SBF2: variants seen among roughly 807,000 people sequenced by gnomAD.
SBF2 encodes the protein SET binding factor 2, also known as myotubularin-related protein 13.
In SBF2, 112 loss-of-function variants were observed where a neutral mutation model predicts 225.2. The observed-to-expected ratio is 0.50, with a 90% CI of 0.43 to 0.58. The LOEUF is 0.58. Ranked by LOEUF, SBF2 falls within the 20% of genes least tolerant of loss-of-function variation. The pLI is 0.00. For missense variants in SBF2, 1,996 were observed against 2,206.2 expected (o/e 0.90, Z 1.91); for synonymous variants, 763 against 773.3 (o/e 0.99, Z 0.22).
At chr11:10,261,317 C>G (rs1961409874) in intron 1 of SBF2, among the ~76,000 whole-genome samples, 1 of 152,184 alleles carries the variant, frequency 6.6e-6, no homozygotes, top group Non-Finnish European at 1.5e-5. Context: ...ATCCTCCCGT[C>G]TCAACTTACC....
intron 30 of SBF2, chr11:9,810,159 C>T (rs1197600990): frequency 6.6e-6 from 1 of 152,158 alleles, no homozygotes; most frequent in Admixed American, 6.6e-5. Context: ...GCCTGTAATC[C>T]CAGCTACTCA....
At chr11:9,844,429 G>A (rs1208374615) in intron 24 of SBF2, among the ~76,000 whole-genome samples, 2 of 152,144 alleles carry the variant, frequency 1.3e-5, no homozygotes, top group African/African-American at 4.8e-5. Context: ...GGTTAACAGT[G>A]AATGAAATTT....
chr11:10,197,513 G>C (rs1231805572), intron 1 of SBF2, among the ~76,000 whole-genome samples: 1 of 152,238 alleles, frequency 6.6e-6, no homozygotes, highest in Non-Finnish European at 1.5e-5. Context: ...GCTTTAGCAA[G>C]TTGTAATCTT....
chr11:10,074,523 T>C (rs1372775937), intron 2 of SBF2, among the ~76,000 whole-genome samples: 1 of 152,238 alleles, frequency 6.6e-6, no homozygotes, highest in East Asian at 1.9e-4. Flanking sequence ...CTGCAGATTT[T>C]ATTATCTCTC....
intron 1 of SBF2, among the ~76,000 whole-genome samples, chr11:10,222,866 C>A (rs1183512535): frequency 6.6e-6 from 1 of 152,106 alleles, no homozygotes; most frequent in Non-Finnish European, 1.5e-5. Flanking sequence ...AATAATGGAA[C>A]ACTAGGCATA....
intron 17 of SBF2, among the ~76,000 whole-genome samples, chr11:9,862,474 C>T (rs1857835833): frequency 6.6e-6 from 1 of 152,210 alleles, no homozygotes; most frequent in Non-Finnish European, 1.5e-5. Flanking sequence ...AGAAAGAGAA[C>T]TGTTCAGGGT....
intron 32 of SBF2, among the ~76,000 whole-genome samples, chr11:9,804,757 C>T (rs1462909682): frequency 6.6e-6 from 1 of 152,188 alleles, no homozygotes; most frequent in Non-Finnish European, 1.5e-5. Flanking sequence ...ATTGGTCAGT[C>T]TTTGTAATAT....
chr11:9,999,116 A>G (rs1270018837), intron 8 of SBF2, among the ~76,000 whole-genome samples: 1 of 152,190 alleles, frequency 6.6e-6, no homozygotes, highest in Non-Finnish European at 1.5e-5. Context: ...GTAAGAGAAA[A>G]CAACCAAGAT....
intron 38 of SBF2, among the ~76,000 whole-genome samples, chr11:9,782,619 C>G (rs1477481391): frequency 1.3e-5 from 2 of 152,114 alleles, no homozygotes; most frequent in African/African-American, 4.8e-5. Flanking sequence ...GCCTGTAATC[C>G]TAACACTTTG....
chr11:10,047,397 G>A (rs1473695090), intron 2 of SBF2, among the ~76,000 whole-genome samples: 2 of 152,176 alleles, frequency 1.3e-5, no homozygotes, highest in African/African-American at 2.4e-5. Flanking sequence ...ACAAGACAGT[G>A]TGATACTGGC....
At chr11:10,112,347 C>G (rs1370018965) in intron 2 of SBF2, among the ~76,000 whole-genome samples, 1 of 152,168 alleles carries the variant, frequency 6.6e-6, no homozygotes, top group Non-Finnish European at 1.5e-5. Flanking sequence ...CTGCACCATT[C>G]TCGTGATAGT....
In SBF2 at chr11:9,829,442, T is replaced by G. The variant is rs769088887; in HGVS notation, c.3707A>C (p.Gln1236Pro). The G allele has an allele frequency of 6.2e-7, 1 of 1,613,750 alleles. No homozygotes were observed. The highest frequency in any genetic ancestry group is 1.1e-5 in the South Asian group (1 of 91,076). The change falls in exon 28 of 40, where the codon CAA becomes CCA. Residue 1236 changes from glutamine to proline, a missense_variant. By Grantham distance (76) the Gln-to-Pro change is moderately conservative. Transcript: ENST00000256190. Reference protein sequence around the residue: ...SSSIEQEKYLQALLNAVSVHQ... With the variant: ...SSSIEQEKYLPALLNAVSVHQ... ...GACAGAAACAGCATTCAGTAAGGCT[T>G]GCAAGTATTTCTCTTGTTCTATGCT...
At chr11:10,171,430 G>A (rs1956182669) in intron 2 of SBF2, among the ~76,000 whole-genome samples, 1 of 152,200 alleles carries the variant, frequency 6.6e-6, no homozygotes, top group African/African-American at 2.4e-5. Flanking sequence ...TTGATAAAAT[G>A]TATCACGTTG....
At chr11:9,791,663 T>C (rs1852750384) in intron 33 of SBF2, among the ~76,000 whole-genome samples, 1 of 152,228 alleles carries the variant, frequency 6.6e-6, no homozygotes, top group African/African-American at 2.4e-5. Context: ...TTAGTTATTT[T>C]AAAAGTTCAA....
intron 2 of SBF2, among the ~76,000 whole-genome samples, chr11:10,179,059 T>C (rs1397980329): frequency 1.7e-4 from 25 of 147,450 alleles, no homozygotes; most frequent in African/African-American, 3.0e-4. Context: ...ATGGATGAAA[T>C]TGGAAATCAT....
intron 34 of SBF2, among the ~76,000 whole-genome samples, chr11:9,790,023 T>A (rs974946237): frequency 1.3e-5 from 2 of 152,228 alleles, no homozygotes; most frequent in African/African-American, 2.4e-5. Flanking sequence ...GAGGGGCCTC[T>A]CTTGGCCCTA....
chr11:9,982,505 GTT>G (rs1947001883), intron 13 of SBF2, among the ~76,000 whole-genome samples: 1 of 152,188 alleles, frequency 6.6e-6, no homozygotes. Flanking sequence ...AAGCTTTCTA[GTT>G]CTGTGAACAA....
intron 1 of SBF2, among the ~76,000 whole-genome samples, chr11:10,197,905 T>C (rs941309125): frequency 6.6e-6 from 1 of 152,234 alleles, no homozygotes; most frequent in African/African-American, 2.4e-5. Flanking sequence ...CGTGAGATTG[T>C]AGCAATTCAG....
At chr11:10,196,866 A>ATATATATATATATATTTTTTTTTTT in intron 1 of SBF2, among the ~76,000 whole-genome samples, 31 of 99,270 alleles carry the variant, frequency 3.1e-4, no homozygotes, top group Admixed American at 4.1e-4. Context: ...ATATATATAT[A>ATATATATATATATATTTTTTTTTTT]TTTTTTTTTT....
Sources: gnomAD v4.1 joint callset for allele counts (sites outside exome capture counted in the v4.1 genomes callset) on GRCh38, gnomAD v4.1.1 for gene constraint, MANE v1.5 for transcripts, NCBI Gene and HGNC (gene_info 2026-07-23, HGNC 2026-07-21) for gene names.